The following LMBR1 variants were observed in gnomAD, a reference collection of about 807,000 sequenced individuals.
LMBR1 encodes limb development membrane protein 1, also known as limb region 1 protein homolog.
In LMBR1, 52 loss-of-function variants were observed where a neutral mutation model predicts 73.9. That is an observed-to-expected ratio of 0.70 (90% CI 0.56 to 0.89). The LOEUF is 0.89. LMBR1 is among the 40% of genes least tolerant of loss of function. The probability of loss-of-function intolerance (pLI) is 0.00; values close to 1 mark genes in which losing one functional copy is unlikely to be tolerated. For missense variants in LMBR1, 539 were observed against 579.8 expected (o/e 0.93, Z 0.72); for synonymous variants, 215 against 209.4 (o/e 1.03, Z -0.23).
chr7:156,810,166 TC>T (rs1432924545), intron 4 of LMBR1, among the ~76,000 whole-genome samples: 1 of 152,122 alleles, frequency 6.6e-6, no homozygotes, highest in Non-Finnish European at 1.5e-5. Flanking sequence ...TCAAGCTGCT[TC>T]CATTCGTGGC....
At chr7:156,853,081 G>A (rs920608932) in intron 1 of LMBR1, among the ~76,000 whole-genome samples, 1 of 151,858 alleles carries the variant, frequency 6.6e-6, no homozygotes, top group East Asian at 1.9e-4. Context: ...TGGGACTACA[G>A]GCACCCGTCA....
At chr7:156,703,806 T>C (rs1291496592) in intron 15 of LMBR1, among the ~76,000 whole-genome samples, 1 of 152,088 alleles carries the variant, frequency 6.6e-6, no homozygotes, top group Non-Finnish European at 1.5e-5. Context: ...GAGCATGGCA[T>C]CCGGGCTCAT....
chr7:156,788,738 G>A (rs1019716542), intron 5 of LMBR1, among the ~76,000 whole-genome samples: 29 of 152,098 alleles, frequency 1.9e-4, no homozygotes, highest in African/African-American at 7.0e-4. Context: ...TAATTTCTAG[G>A]AGATCTGAGA....
chr7:156,760,159 A>G (rs1174473381), intron 8 of LMBR1, among the ~76,000 whole-genome samples: 4 of 152,190 alleles, frequency 2.6e-5, no homozygotes, highest in Admixed American at 2.6e-4. Flanking sequence ...GGGAGAAGAG[A>G]ACCAGGAAGT....
At chr7:156,736,368 C>CGGT (rs1554492929) in intron 9 of LMBR1, 3 of 329,166 alleles carry the variant, frequency 9.1e-6, no homozygotes, top group Admixed American at 4.0e-5. Flanking sequence ...AGCTTGCATT[C>CGGT]ATTATTTAGT....
At chr7:156,866,928 T>C (rs1301749262) in intron 1 of LMBR1, among the ~76,000 whole-genome samples, 1 of 152,190 alleles carries the variant, frequency 6.6e-6, no homozygotes, top group Non-Finnish European at 1.5e-5. Flanking sequence ...AAGATCCTTG[T>C]GATAGTTCTT....
chr7:156,676,630 ACCAGAAGAAGATTCTTGAATGT>A (rs1436120874), downstream of LMBR1: 5 of 1,613,930 alleles, frequency 3.1e-6, no homozygotes, highest in Non-Finnish European at 4.2e-6. Context: ...CGCTCCTGCT[ACCAGAAGAAGATTCTTGAATGT>A]TGAATTCATA....
intron 2 of LMBR1, 79 bp from the exon 3 acceptor site, chr7:156,833,871 A>G: frequency 1.1e-6 from 1 of 930,522 alleles, no homozygotes; most frequent in African/African-American, 1.7e-5. Flanking sequence ...CTATAAACAC[A>G]ATATAAACTT....
Position 156,792,684 on chromosome 7 carries a change from T to G in LMBR1, c.423+3705A>C, listed in dbSNP as rs191686472. 3.9e-5 allele frequency among the ~76,000 whole-genome samples: 6 copies of G among 152,340 alleles called. No homozygotes were observed. In the East Asian group the frequency reaches 1.2e-3, roughly 29 times the overall value. On this transcript the variant is annotated intron_variant, in intron 5 of 16. Transcript: ENST00000353442. ...CTAATATGTCCTGTTTGAATTAACA[T>G]AGTGGTTTAATTAAAAACTAAGTAG...
chr7:156,740,042 CA>C (rs1818604562), intron 9 of LMBR1, among the ~76,000 whole-genome samples: 1 of 151,782 alleles, frequency 6.6e-6, no homozygotes, highest in South Asian at 2.1e-4. Flanking sequence ...ATAAATTTAA[CA>C]AAGAGATTGA....
At chr7:156,704,440 A>G (rs964645082) in intron 15 of LMBR1, among the ~76,000 whole-genome samples, 9 of 152,228 alleles carry the variant, frequency 5.9e-5, no homozygotes, top group Non-Finnish European at 1.3e-4. Context: ...CACATAGTCA[A>G]GAAAAAAAGT....
At chr7:156,801,428 C>A in intron 4 of LMBR1, among the ~76,000 whole-genome samples, 1 of 152,158 alleles carries the variant, frequency 6.6e-6, no homozygotes, top group East Asian at 1.9e-4. Flanking sequence ...TCTGAGAAAT[C>A]AAAAAATTTG....
chr7:156,677,165 GTT>G (rs1804218679), downstream of LMBR1: 1 of 152,648 alleles, frequency 6.6e-6, no homozygotes, highest in Non-Finnish European at 1.5e-5. Context: ...AATAAAGACT[GTT>G]TTAGTTCACA....
At chr7:156,869,511 C>A (rs1452757976) in intron 1 of LMBR1, among the ~76,000 whole-genome samples, 2 of 151,856 alleles carry the variant, frequency 1.3e-5, no homozygotes, top group African/African-American at 2.4e-5. Context: ...ACAGAAGTTA[C>A]CCAAAGGAAA....
At chr7:156,754,837 G>A (rs1821559364) in intron 9 of LMBR1, among the ~76,000 whole-genome samples, 1 of 152,038 alleles carries the variant, frequency 6.6e-6, no homozygotes. Context: ...TTCTTAATCT[G>A]TATTAGTCAA....
chr7:156,868,889 C>T (rs950548203), intron 1 of LMBR1, among the ~76,000 whole-genome samples: 6 of 151,964 alleles, frequency 3.9e-5, no homozygotes, highest in African/African-American at 1.5e-4. Flanking sequence ...CACCTGAGCC[C>T]GGTAGGTCAA....
In LMBR1 at chr7:156,782,445, T is replaced by G. The variant is rs1208364517; in HGVS notation, c.423+13944A>C. Among the ~76,000 whole-genome samples the G allele has an allele frequency of 2.0e-5, 3 of 152,208 alleles. No individual in the cohort carries two copies. In the South Asian group the frequency reaches 6.2e-4, roughly 31 times the overall value. ...TTACCTTTCCACCAACAATGCACAA[T>G]ATTCCCAATTCCTCCACATCCTTAC... On this transcript the variant is annotated intron_variant, in intron 5 of 16. Coordinates refer to ENST00000353442, the MANE Select transcript of LMBR1 (RefSeq NM_022458.4).
intron 1 of LMBR1, among the ~76,000 whole-genome samples, chr7:156,870,054 A>C (rs193092354): frequency 7.4e-4 from 113 of 152,368 alleles, no homozygotes; most frequent in Non-Finnish European, 1.3e-3. Flanking sequence ...ATCAGAGTAC[A>C]TAAATATATA....
intron 15 of LMBR1, among the ~76,000 whole-genome samples, chr7:156,690,340 A>G (rs1028382174): frequency 7.9e-5 from 12 of 152,364 alleles, no homozygotes; most frequent in Admixed American, 4.6e-4. Context: ...CCAACGACTT[A>G]CTTTATGAAT....
Sources: allele counts gnomAD v4.1 joint callset (sites outside exome capture counted in the v4.1 genomes callset), GRCh38; gene constraint gnomAD v4.1.1; transcripts MANE v1.5; gene names NCBI Gene and HGNC (gene_info 2026-07-23, HGNC 2026-07-21).